The following DNAH17 variants were observed in gnomAD, a reference collection of about 807,000 sequenced individuals.
DNAH17 encodes axonemal beta dynein heavy chain 17.
In DNAH17, 376 loss-of-function variants were observed where a neutral mutation model predicts 485.6. The ratio of observed to expected loss-of-function variants is 0.77; its 90% CI spans 0.71 to 0.84. The LOEUF is 0.84. Among genes scored for constraint, DNAH17 ranks in the 40% least tolerant of loss-of-function variants. The pLI is 0.00. For synonymous variants in DNAH17, 3,031 were observed against 2,405.9 expected, an observed-to-expected ratio of 1.26 and a Z score of -7.60; for missense variants, 6,370 against 5,839.3, an observed-to-expected ratio of 1.09 and a Z score of -2.96.
chr17:78,531,789 CT>C (rs1256141463), intron 20 of DNAH17, among the ~76,000 whole-genome samples: 1 of 152,180 alleles, frequency 6.6e-6, no homozygotes, highest in Non-Finnish European at 1.5e-5. Flanking sequence ...TTGGGGTTAC[CT>C]TCATCCATTC....
At position 78,501,528 on chromosome 17, in the gene DNAH17, G is replaced by A. The variant is rs2090289644; in HGVS notation, c.5323-184C>T. On this transcript the variant is annotated intron_variant, in intron 34 of 80. Coordinates refer to ENST00000389840, the MANE Select transcript of DNAH17 (RefSeq NM_173628.4). ...CCTCAGTGGAATCTCGCTACAGAATGGCACTTCCAATGGGCGGGCACCGCT... is the reference window on the plus strand; with the variant it reads ...CCTCAGTGGAATCTCGCTACAGAATAGCACTTCCAATGGGCGGGCACCGCT... 2.7e-5 allele frequency: 26 copies of A among 972,416 alleles called. No individual in the cohort carries two copies. The South Asian group carries it at 4.3e-4, about 16-fold the overall frequency. The allele number at this position is 972,416 out of a possible 1,614,324, so 60.2% of individuals were successfully genotyped here.
intron 74 of DNAH17, among the ~76,000 whole-genome samples, chr17:78,436,336 C>T (rs1432686940): frequency 6.6e-6 from 1 of 150,570 alleles, no homozygotes; most frequent in East Asian, 2.0e-4. Context: ...CCTGAGGCAG[C>T]AGAATCACTT....
In DNAH17 at chr17:78,518,995, C is replaced by T. The variant is rs146107770; in HGVS notation, c.3865-3973G>A. Among the ~76,000 whole-genome samples the T allele has an allele frequency of 4.5e-3, 677 of 151,728 alleles. 4 individuals carry two copies. Among genetic ancestry groups the T allele is most frequent in the African/African-American group, 0.015 (634 of 41,408 alleles). ...CATTCTGGCTAACATGGTGAAACCCCGTCTCTACTAAAAATACAAAAAATT... is the reference window on the plus strand; with the variant it reads ...CATTCTGGCTAACATGGTGAAACCCTGTCTCTACTAAAAATACAAAAAATT... On this transcript the variant is annotated intron_variant, in intron 25 of 80. Coordinates refer to ENST00000389840, the MANE Select transcript of DNAH17 (RefSeq NM_173628.4).
At chr17:78,455,584 C>G in intron 63 of DNAH17, 60 bp downstream of exon 63, 4 of 1,367,822 alleles carry the variant, frequency 2.9e-6, no homozygotes, top group Middle Eastern at 2.1e-4. Flanking sequence ...GCCTCGGCCT[C>G]CCAAAGTGCT....
chr17:78,491,408 G>A lies in DNAH17; in HGVS notation c.6669+35C>T, dbSNP rs757752639. ...TGAGCCCCCGTTGTCCCTGCCTTGG[G>A]TGGCCTTGGGGCTTAGAGTCCAGGG... On this transcript the variant is annotated intron_variant, in intron 43 of 80. Coordinates refer to ENST00000389840, the MANE Select transcript of DNAH17 (RefSeq NM_173628.4). 1.9e-6 allele frequency: 3 copies of A among 1,605,810 alleles called. No individual in the cohort carries two copies. The African/African-American group carries it at 4.0e-5, about 21-fold the overall frequency.
chr17:78,462,267 G>C (rs1476752837), intron 57 of DNAH17, among the ~76,000 whole-genome samples: 8 of 127,266 alleles, frequency 6.3e-5, no homozygotes, highest in Admixed American at 4.9e-4. Flanking sequence ...GGGGTGGGGG[G>C]GTGGGGGCAG....
Position 78,428,461 on chromosome 17 carries a change from A to T in DNAH17, c.12588+64T>A. On this transcript the variant is annotated intron_variant, in intron 77 of 80. Transcript: ENST00000389840. Reference sequence around the variant, plus strand: ...CCCTGTACTGCCGCCAGTCCCTGTGACCCCCTCCTCAGTTCTAGATCCTCC... The same window carrying T: ...CCCTGTACTGCCGCCAGTCCCTGTGTCCCCCTCCTCAGTTCTAGATCCTCC... 3 of 1,535,230 alleles carry T rather than the reference A, an allele frequency of 2.0e-6. No individual in the cohort carries two copies. In the South Asian group the frequency reaches 3.6e-5, roughly 18 times the overall value.
chr17:78,543,629 T>C (rs1568228828), intron 17 of DNAH17: 1 of 611,414 alleles, frequency 1.6e-6, no homozygotes, highest in Non-Finnish European at 2.8e-6. Flanking sequence ...TTCACCACGT[T>C]GGTCAAGCTG....
In DNAH17 at chr17:78,424,019, C is replaced by T. The variant is rs375297222; in HGVS notation, c.13276G>A (p.Val4426Met). ...GGGCCGCGGATGCGTGTTTTGTACACGGGACACTCATAGATGTTCTTGGTC... is the reference window on the plus strand; with the variant it reads ...GGGCCGCGGATGCGTGTTTTGTACATGGGACACTCATAGATGTTCTTGGTC... ...METKNIYECPVYKTRIRGPTY... is the reference protein window; with the variant it reads ...METKNIYECPMYKTRIRGPTY... The change falls in exon 81 of 81, where the codon GTG becomes ATG. Residue 4426 changes from valine to methionine, a missense_variant. Transcript: ENST00000389840. 9.9e-5 allele frequency: 160 copies of T among 1,614,048 alleles called. No individual in the cohort carries two copies. The South Asian group carries it at 1.4e-3, about 15-fold the overall frequency.
intron 1 of DNAH17, among the ~76,000 whole-genome samples, chr17:78,576,606 T>C (rs950294901): frequency 1.3e-5 from 2 of 152,066 alleles, no homozygotes; most frequent in Non-Finnish European, 2.9e-5. Flanking sequence ...CGTCACGTCG[T>C]CATTTCCTAG....
At chr17:78,427,897 C>T (rs1250923784) in intron 77 of DNAH17, among the ~76,000 whole-genome samples, 12 of 141,462 alleles carry the variant, frequency 8.5e-5, no homozygotes, top group Middle Eastern at 3.7e-3. Context: ...ACCTGGGAGG[C>T]GGAGGTTGCA....
At chr17:78,572,999 C>T in intron 2 of DNAH17, 105 bp from the exon 3 acceptor site, 4 of 1,045,200 alleles carry the variant, frequency 3.8e-6, no homozygotes, top group Non-Finnish European at 4.1e-6. Context: ...TGTCTGGAGC[C>T]CTGGGAAAAC....
chr17:78,526,961 C>G lies in DNAH17; in HGVS notation c.3543G>C (p.Leu1181=). Residue 1181 remains leucine (L), a synonymous_variant, in exon 23 of 81, where the codon CTG becomes CTC. Coordinates refer to ENST00000389840, the MANE Select transcript of DNAH17 (RefSeq NM_173628.4). ...CCACGGTCAGCTTCACCTGAATGGC[C>G]AGTTTCTTGGTATTTGCCCAGTGCT... ...LPEHWANTKK[L]AIQVKLTVAP... 1 of 1,588,402 alleles carries G rather than the reference C, an allele frequency of 6.3e-7. No homozygotes were observed. Among genetic ancestry groups the G allele is most frequent in the Non-Finnish European group, 8.6e-7 (1 of 1,167,194 alleles).
chr17:78,504,330 G>T (rs1177294858), intron 31 of DNAH17, among the ~76,000 whole-genome samples: 2 of 152,084 alleles, frequency 1.3e-5, no homozygotes, highest in Non-Finnish European at 2.9e-5. Flanking sequence ...CTCCCAAAGT[G>T]CTGGGATTAT....
At position 78,494,118 on chromosome 17, in the gene DNAH17, A is replaced by G; in HGVS notation, c.6326T>C (p.Leu2109Pro). ...LKLQAEDSFV[L>P]KVVQLEELLQ... is the part of the protein sequence containing the mutation. ...CAGCTCCTCCAGCTGCACCACCTTC[A>G]GCACGAAGCTGTCCTCCGCCTGCAG... The change falls in exon 41 of 81, where the codon CTG (leucine) becomes CCG (proline). Residue 2109 changes from leucine to proline, a missense_variant. By Grantham distance (98) the Leu-to-Pro change is moderately conservative. Transcript: ENST00000389840. 6.2e-7 allele frequency: 1 copy of G among 1,612,878 alleles called. No individual in the cohort carries two copies. Among genetic ancestry groups the G allele is most frequent in the Non-Finnish European group, 8.5e-7 (1 of 1,179,814 alleles).
At chr17:78,544,863 TTACTG>T (rs1255737330) in intron 16 of DNAH17, among the ~76,000 whole-genome samples, 1 of 150,754 alleles carries the variant, frequency 6.6e-6, no homozygotes, top group Non-Finnish European at 1.5e-5. Flanking sequence ...GATTTGGACT[TTACTG>T]TTATCTGTCA....
intron 48 of DNAH17, among the ~76,000 whole-genome samples, chr17:78,483,889 G>T (rs571359425): frequency 5.3e-4 from 81 of 152,070 alleles, no homozygotes; most frequent in Non-Finnish European, 1.0e-3. Flanking sequence ...CTGAGGTCAG[G>T]AGTTCGAGAA....
In DNAH17 at chr17:78,486,206, GC is replaced by G. The variant is rs748378012; in HGVS notation, c.7101+17del. On this transcript the variant is annotated intron_variant, in intron 45 of 80. Coordinates refer to ENST00000389840, the MANE Select transcript of DNAH17 (RefSeq NM_173628.4). ...TGAGAGACCCTGTGTGGGTGGCCGG[GC>G]CCCCCAGGTGCATCACCTGGTCCTG... 6 of 1,585,944 alleles carry G rather than the reference GC, an allele frequency of 3.8e-6. No homozygotes were observed. Among genetic ancestry groups the G allele is most frequent in the Non-Finnish European group, 5.2e-6 (6 of 1,164,530 alleles).
intron 68 of DNAH17, 45 bp from the exon 69 acceptor site, chr17:78,449,629 GCCCTTCACCACTC>G: frequency 6.5e-7 from 1 of 1,549,032 alleles, no homozygotes; most frequent in Non-Finnish European, 8.8e-7. Context: ...CAGAGATGGA[GCCCTTCACCACTC>G]CCCGCCACCA....
Sources: gnomAD v4.1 joint callset for allele counts (sites outside exome capture counted in the v4.1 genomes callset) on GRCh38, gnomAD v4.1.1 for gene constraint, MANE v1.5 for transcripts, NCBI Gene and HGNC (gene_info 2026-07-23, HGNC 2026-07-21) for gene names.